The following FSTL5 variants were observed in gnomAD, a reference collection of about 807,000 sequenced individuals.
The protein encoded by FSTL5 is follistatin like 5.
Under a neutral mutation model 89.1 loss-of-function variants are expected in FSTL5, and 62 were observed. The ratio of observed to expected loss-of-function variants is 0.70; its 90% CI spans 0.57 to 0.86. The LOEUF (loss-of-function observed/expected upper bound fraction) is 0.86. Ranked by LOEUF, FSTL5 falls within the 40% of genes least tolerant of loss-of-function variation. The pLI is 0.00. For missense variants in FSTL5, 1,057 were observed against 1,001.6 expected (o/e 1.06, Z -0.75); for synonymous variants, 383 against 346.2 (o/e 1.11, Z -1.18).
intron 8 of FSTL5, among the ~76,000 whole-genome samples, chr4:161,572,135 A>G (rs551984648): frequency 1.4e-4 from 21 of 151,800 alleles, no homozygotes; most frequent in Non-Finnish European, 2.6e-4. Context: ...CCTGGACAAT[A>G]TGGTGAAACC....
At chr4:161,966,458 C>G (rs975023733) in intron 3 of FSTL5, among the ~76,000 whole-genome samples, 8 of 152,024 alleles carry the variant, frequency 5.3e-5, no homozygotes, top group African/African-American at 1.9e-4. Context: ...GTGAAGTATA[C>G]AAAACCCCAG....
At chr4:162,033,771 A>C in intron 2 of FSTL5, 113 bp from the exon 3 acceptor site, 1 of 600,570 alleles carries the variant, frequency 1.7e-6, no homozygotes, top group Non-Finnish European at 2.9e-6. Context: ...TATTCCCAGG[A>C]ACATGATTCT....
intron 4 of FSTL5, among the ~76,000 whole-genome samples, chr4:161,900,895 A>T (rs1733342597): frequency 4.6e-5 from 7 of 152,116 alleles, no homozygotes; most frequent in Admixed American, 4.6e-4. Flanking sequence ...TTAATAATGT[A>T]TTTGTAAATA....
chr4:161,485,106 C>A (rs1439793220), intron 12 of FSTL5, among the ~76,000 whole-genome samples: 1 of 152,182 alleles, frequency 6.6e-6, no homozygotes, highest in Non-Finnish European at 1.5e-5. Flanking sequence ...ATTATGGCAT[C>A]TTTCATGTTA....
At chr4:162,159,204 C>A (rs1461697641) in intron 1 of FSTL5, among the ~76,000 whole-genome samples, 2 of 151,936 alleles carry the variant, frequency 1.3e-5, no homozygotes, top group Non-Finnish European at 2.9e-5. Context: ...ATTTCCATTT[C>A]ATCATCATCT....
intron 15 of FSTL5, among the ~76,000 whole-genome samples, chr4:161,418,661 T>C (rs1365215967): frequency 6.6e-6 from 1 of 152,208 alleles, no homozygotes; most frequent in Non-Finnish European, 1.5e-5. Context: ...AGAAGACTGG[T>C]GATGTTCATA....
At chr4:161,740,924 G>A (rs1488280286) in intron 6 of FSTL5, among the ~76,000 whole-genome samples, 1 of 152,070 alleles carries the variant, frequency 6.6e-6, no homozygotes, top group Non-Finnish European at 1.5e-5. Context: ...CCCACTTCCT[G>A]GTTCATAGAT....
chr4:161,745,827 T>C (rs572014649), intron 6 of FSTL5, among the ~76,000 whole-genome samples: 29 of 152,210 alleles, frequency 1.9e-4, no homozygotes, highest in Non-Finnish European at 3.7e-4. Context: ...CAAAATATGA[T>C]TATAATAAAA....
chr4:161,701,437 C>G (rs368966680), intron 6 of FSTL5, among the ~76,000 whole-genome samples: 1 of 151,922 alleles, frequency 6.6e-6, no homozygotes, highest in Non-Finnish European at 1.5e-5. Context: ...AACATCTTCC[C>G]AAAGTAACTT....
rs149032209 is a variant in FSTL5 at position 161,958,005 on chromosome 4, A to T, written c.161-37353T>A. Among the ~76,000 whole-genome samples the T allele has an allele frequency of 9.6e-3, 1,461 of 151,866 alleles. 32 individuals carry two copies. Among genetic ancestry groups the T allele is most frequent in the African/African-American group, 0.033 (1,369 of 41,456 alleles). On this transcript the variant is annotated intron_variant, in intron 3 of 15. Transcript: ENST00000306100. ...ATTAGCTGCTTGAAGTTGTCCCACA[A>T]CTCACTGATACTATTTTTTTCACTA...
At chr4:161,569,750 AACACACAAACACACACACACACACACAC>A (rs1423939975) in intron 8 of FSTL5, among the ~76,000 whole-genome samples, 2 of 103,274 alleles carry the variant, frequency 1.9e-5, no homozygotes, top group Non-Finnish European at 4.1e-5. Flanking sequence ...CTTTAAGTCC[AACACACAAACACACACACACACACACAC>A]ACACACACAC....
chr4:161,645,824 G>A (rs1200720283), intron 7 of FSTL5, among the ~76,000 whole-genome samples: 1 of 152,004 alleles, frequency 6.6e-6, no homozygotes, highest in Non-Finnish European at 1.5e-5. Flanking sequence ...GAGCCACAAT[G>A]TCCTCAGGCC....
chr4:161,684,475 G>C (rs910193485), intron 6 of FSTL5, among the ~76,000 whole-genome samples: 1 of 152,006 alleles, frequency 6.6e-6, no homozygotes, highest in Non-Finnish European at 1.5e-5. Flanking sequence ...CCGGAGTTAG[G>C]TTGAATAGCA....
rs73859258 is a variant in FSTL5 at position 161,549,992 on chromosome 4, G to A, written c.1016-7299C>T. Among the ~76,000 whole-genome samples, 725 of 151,912 alleles carry A rather than the reference G, an allele frequency of 4.8e-3. 4 individuals are homozygous for A. Among genetic ancestry groups the A allele is most frequent in the African/African-American group, 0.016 (647 of 41,506 alleles). ...AACCAAGACTAGTTAAAGCCGTCAC[G>A]TCAGGACTACAGCCGACCACCCTAC... On this transcript the variant is annotated intron_variant, in intron 8 of 15. Transcript: ENST00000306100.
chr4:161,760,591 C>T (rs1032068656), intron 5 of FSTL5, among the ~76,000 whole-genome samples: 2 of 152,110 alleles, frequency 1.3e-5, no homozygotes, highest in Admixed American at 1.3e-4. Context: ...CACACAGAGT[C>T]AGGTGTAAGA....
chr4:161,849,267 T>C (rs1022890956), intron 4 of FSTL5, among the ~76,000 whole-genome samples: 1 of 152,120 alleles, frequency 6.6e-6, no homozygotes, highest in Non-Finnish European at 1.5e-5. Context: ...CATGATTGTG[T>C]TTTTTGGTTT....
intron 4 of FSTL5, among the ~76,000 whole-genome samples, chr4:161,824,285 A>G (rs889011364): frequency 6.6e-6 from 1 of 152,028 alleles, no homozygotes; most frequent in Non-Finnish European, 1.5e-5. Context: ...TCCCCATTTT[A>G]TGCTTTTGTT....
At chr4:161,644,406 A>C (rs1199431719) in intron 7 of FSTL5, among the ~76,000 whole-genome samples, 1 of 152,012 alleles carries the variant, frequency 6.6e-6, no homozygotes, top group East Asian at 1.9e-4. Flanking sequence ...CATGCCTGTA[A>C]TCCTAGCTAC....
At chr4:161,571,640 C>T (rs1039526654) in intron 8 of FSTL5, among the ~76,000 whole-genome samples, 1 of 152,110 alleles carries the variant, frequency 6.6e-6, no homozygotes, top group African/African-American at 2.4e-5. Context: ...ACATTATCGA[C>T]CTCTTGGTGA....
Sources: gnomAD v4.1 joint callset for allele counts (sites outside exome capture counted in the v4.1 genomes callset) on GRCh38, gnomAD v4.1.1 for gene constraint, MANE v1.5 for transcripts, NCBI Gene and HGNC (gene_info 2026-07-23, HGNC 2026-07-21) for gene names.